The following ZNF585B variants were observed in gnomAD, a reference collection of about 807,000 sequenced individuals.
ZNF585B encodes zinc finger protein 41-like protein.
A neutral mutation model predicts 14.0 loss-of-function variants in ZNF585B; 7 were observed. That is an observed-to-expected ratio of 0.50 (90% CI 0.28 to 0.94). ZNF585B has a LOEUF of 0.94. ZNF585B is among the 40% of genes least tolerant of loss of function. The pLI, the probability that ZNF585B is intolerant of heterozygous loss-of-function variation, is 0.09. For synonymous variants in ZNF585B, 290 were observed against 317.3 expected (o/e 0.91, Z 0.91); for missense variants, 750 against 924.4 (o/e 0.81, Z 2.45).
At chr19:37,201,089 C>CAAAAAA (rs34379718) in intron 2 of ZNF585B, among the ~76,000 whole-genome samples, 1 of 106,680 alleles carries the variant, frequency 9.4e-6, no homozygotes, top group Non-Finnish European at 2.0e-5. Flanking sequence ...GACTCCGTCT[C>CAAAAAA]AAAAAAAAAA....
chr19:37,208,673 CAACTT>C (rs1972613061), intron 1 of ZNF585B, among the ~76,000 whole-genome samples: 1 of 151,350 alleles, frequency 6.6e-6, no homozygotes, highest in African/African-American at 2.4e-5. Context: ...AAAAAGATAC[CAACTT>C]AACTAAAAGA....
In ZNF585B at chr19:37,186,520, G is replaced by A; in HGVS notation, c.1017C>T (p.Ser339=). The A allele has an allele frequency of 1.2e-6, 2 of 1,614,160 alleles. No homozygotes were observed. Among genetic ancestry groups the A allele is most frequent in the East Asian group, 4.5e-5 (2 of 44,884 alleles). Residue 339 remains serine, a synonymous_variant, in exon 5 of 5, where the codon TCC becomes TCT. Transcript: ENST00000532828. The stretch of plus-strand genomic sequence containing the variant: ...GAATCTTCTCATGTGTAATGAGGTT[G>A]GAATTATTGCTGAAGACCTTCCCAT... ...TEYGKVFSNN[S]NLITHEKIQS...
intron 2 of ZNF585B, among the ~76,000 whole-genome samples, chr19:37,204,877 G>C (rs1486677164): frequency 4.6e-5 from 7 of 151,956 alleles, no homozygotes; most frequent in Non-Finnish European, 7.4e-5. Context: ...CTCCTGAGTA[G>C]CTGGGATTAC....
chr19:37,185,347 C>G lies in ZNF585B; in HGVS notation c.2190G>C (p.Arg730Ser), dbSNP rs148314596. The G allele has an allele frequency of 4.0e-5, 65 of 1,614,068 alleles. No homozygotes were observed. Among genetic ancestry groups the G allele is most frequent in the Non-Finnish European group, 5.2e-5 (61 of 1,180,044 alleles). ...TTGTCTGATGTTTATTCAAATTGGA[C>G]CTGTTGCTAAAGGCCTTCCCACACT... ...CAECGKAFSN[R>S]SNLNKHQTTH... Residue 730 changes from arginine to serine, a missense_variant, in exon 5 of 5, where the codon AGG (arginine) becomes AGC (serine). By Grantham distance (110) the Arg-to-Ser change is moderately radical. Transcript: ENST00000532828.
At chr19:37,203,560 A>G (rs1308894992) in intron 2 of ZNF585B, among the ~76,000 whole-genome samples, 1 of 151,958 alleles carries the variant, frequency 6.6e-6, no homozygotes, top group Non-Finnish European at 1.5e-5. Context: ...TGCCATTATA[A>G]TTATTTTTAA....
At position 37,185,640 on chromosome 19, in the gene ZNF585B, G is replaced by T; in HGVS notation, c.1897C>A (p.Pro633Thr). The change falls in exon 5 of 5, where the codon CCC (proline) becomes ACC (threonine). Residue 633 changes from proline (P) to threonine (T), a missense_variant. Transcript: ENST00000532828. ...TTCCCACACTCGGCACACACATAGG[G>T]TTTCTCTCCTGTGTGAACTGGCTGA... ...VHQPVHTGEK[P>T]YVCAECGKAF... The T allele has an allele frequency of 6.2e-7, 1 of 1,613,860 alleles. No homozygotes were observed. The highest frequency in any genetic ancestry group is 1.1e-5 in the South Asian group (1 of 91,064).
Position 37,185,248 on chromosome 19 carries a change from A to G in ZNF585B, c.2289T>C (p.Val763=), listed in dbSNP as rs113621137. The change falls in exon 5 of 5, where the codon GTT becomes GTC. Residue 763 remains valine (V), a synonymous_variant. Coordinates refer to ENST00000532828, the MANE Select transcript of ZNF585B (RefSeq NM_152279.4). ...KGFVQKSVFS[V]HQSSHA ...TCTCTCAAGCGTGGCTGCTCTGATG[A>G]ACACTGAACACTGATTTCTGAACGA... 8,192 of 1,597,464 alleles carry G rather than the reference A, an allele frequency of 5.1e-3. 129 individuals carry two copies. The highest frequency in any genetic ancestry group is 0.027 in the African/African-American group (2,039 of 74,426).
chr19:37,201,441 A>G (rs1371620768), intron 2 of ZNF585B, among the ~76,000 whole-genome samples: 1 of 152,228 alleles, frequency 6.6e-6, no homozygotes, highest in Non-Finnish European at 1.5e-5. Context: ...GAAAAAAATC[A>G]TTAATACTAT....
chr19:37,207,078 A>G lies in ZNF585B; in HGVS notation c.34T>C (p.Ser12Pro), dbSNP rs781345674. 1 of 1,614,110 alleles carries G rather than the reference A, an allele frequency of 6.2e-7. No homozygotes were observed. Among genetic ancestry groups the G allele is most frequent in the Non-Finnish European group, 8.5e-7 (1 of 1,180,006 alleles). Reference protein sequence around the residue: ...PASWTSPQKSSALAPEDHGSS... With the variant: ...PASWTSPQKSPALAPEDHGSS... ...CCATGATCCTCTGGAGCCAGGGCTG[A>G]GGATTTCTGGGGTGAGGTCCAACTA... Residue 12 changes from serine to proline, a missense_variant, in exon 2 of 5, where the codon TCA becomes CCA. By Grantham distance (74) the Ser-to-Pro change is moderately conservative. Around this residue, in one of 2 missense-constraint regions of ZNF585B, gnomAD observed 517 missense variants for 570.3 expected, o/e 0.91. Coordinates refer to ENST00000532828, the MANE Select transcript of ZNF585B (RefSeq NM_152279.4).
In ZNF585B at chr19:37,185,869, C is replaced by T. The variant is rs1890301115; in HGVS notation, c.1668G>A (p.Gly556=). 6.2e-7 allele frequency: 1 copy of T among 1,613,654 alleles called. No homozygotes were observed. Among genetic ancestry groups the T allele is most frequent in the Non-Finnish European group, 8.5e-7 (1 of 1,179,938 alleles). The change falls in exon 5 of 5, where the codon GGG becomes GGA. Residue 556 remains glycine (G), a synonymous_variant. Coordinates refer to ENST00000532828, the MANE Select transcript of ZNF585B (RefSeq NM_152279.4). ...GERQYECHEC[G]KAFNQKSILI... is the part of the protein sequence containing the mutation. Reference sequence around the variant, plus strand: ...GTATTGATTTCTGGTTGAAGGCTTTCCCACATTCGTGGCATTCATACTGTC... The same window carrying T: ...GTATTGATTTCTGGTTGAAGGCTTTTCCACATTCGTGGCATTCATACTGTC...
intron 2 of ZNF585B, among the ~76,000 whole-genome samples, chr19:37,205,960 A>C (rs1004733360): frequency 7.2e-5 from 11 of 152,002 alleles, no homozygotes; most frequent in Non-Finnish European, 1.5e-4. Flanking sequence ...CGCACCTGTA[A>C]TCTCAGCTAC....
Position 37,186,488 on chromosome 19 carries a change from C to CT in ZNF585B, c.1048dup (p.Arg350LysfsTer9), listed in dbSNP as rs1385916319. ...CTCAGTACATATGGAAGATTTCTCT[C>CT]TACTTTGAATCTTCTCATGTGTAAT... On this transcript the variant is annotated frameshift_variant, in exon 5 of 5. Transcript: ENST00000532828. LOFTEE classifies it low-confidence loss of function (END_TRUNC). The CT allele has an allele frequency of 6.2e-7, 1 of 1,614,038 alleles. No individual in the cohort carries two copies. Among genetic ancestry groups the CT allele is most frequent in the Non-Finnish European group, 8.5e-7 (1 of 1,180,040 alleles).
At chr19:37,189,104 A>G (rs1433557955) in intron 4 of ZNF585B, among the ~76,000 whole-genome samples, 1 of 151,880 alleles carries the variant, frequency 6.6e-6, no homozygotes, top group Non-Finnish European at 1.5e-5. Context: ...CACCCAGCTA[A>G]TTTTTGTATT....
intron 2 of ZNF585B, chr19:37,196,018 C>T (rs903529647): frequency 6.6e-5 from 10 of 152,140 alleles, no homozygotes; most frequent in African/African-American, 1.9e-4. Flanking sequence ...AAGAGCAAAA[C>T]TCTGTCCCCC....
At position 37,187,227 on chromosome 19, in the gene ZNF585B, G is replaced by T; in HGVS notation, c.310C>A (p.His104Asn). The change falls in exon 5 of 5, where the codon CAT becomes AAT. Residue 104 changes from histidine (H) to asparagine (N), a missense_variant. His to Asn is a moderately conservative substitution (Grantham distance 68, BLOSUM62 1). Around this residue, in one of 2 missense-constraint regions of ZNF585B, gnomAD observed 517 missense variants for 570.3 expected, o/e 0.91. Transcript: ENST00000532828. ...HSCPGEKLWD[H>N]NQHRKIIGYK... ...CCGATGATTTTTCTATGTTGATTAT[G>T]GTCCCATAATTTCTCTCCTGTTGGA... 6.2e-7 allele frequency: 1 copy of T among 1,607,656 alleles called. No homozygotes were observed. Among genetic ancestry groups the T allele is most frequent in the Non-Finnish European group, 8.5e-7 (1 of 1,177,714 alleles).
At chr19:37,194,177 T>G (rs1028175027) in intron 2 of ZNF585B, among the ~76,000 whole-genome samples, 3 of 152,224 alleles carry the variant, frequency 2.0e-5, no homozygotes, top group African/African-American at 7.2e-5. Flanking sequence ...AACAGGTTGC[T>G]TATACTATTC....
At chr19:37,199,473 C>T (rs73023557) in intron 2 of ZNF585B, 72,390 of 450,668 alleles carry the variant, frequency 0.16, 6,909 homozygotes, top group South Asian at 0.23. Context: ...TACAGTGAGC[C>T]GTGATTGCAC....
intron 2 of ZNF585B, among the ~76,000 whole-genome samples, chr19:37,203,148 CT>C (rs1013461059): frequency 6.6e-6 from 1 of 151,960 alleles, no homozygotes; most frequent in Non-Finnish European, 1.5e-5. Context: ...CTTTGCTTTT[CT>C]TTTTTTAGTC....
At chr19:37,208,518 A>G (rs1972611445) in intron 1 of ZNF585B, among the ~76,000 whole-genome samples, 1 of 152,084 alleles carries the variant, frequency 6.6e-6, no homozygotes, top group Non-Finnish European at 1.5e-5. Flanking sequence ...ATAAAGATAT[A>G]TAAGAAATTT....
Sources: gnomAD v4.1 joint callset for allele counts (sites outside exome capture counted in the v4.1 genomes callset) on GRCh38, gnomAD v4.1.1 for gene constraint, gnomAD v4.1.1 regional missense constraint, MANE v1.5 for transcripts, NCBI Gene and HGNC (gene_info 2026-07-23, HGNC 2026-07-21) for gene names.